The following DENND4A variants were observed in gnomAD, a reference collection of about 807,000 sequenced individuals.
DENND4A encodes C-myc promoter-binding protein.
DENND4A carries 70 observed loss-of-function variants against 199.3 expected under a neutral mutation model. That is an observed-to-expected ratio of 0.35 (90% CI 0.29 to 0.43). DENND4A has a LOEUF of 0.43. Ranked by LOEUF, DENND4A falls within the 20% of genes least tolerant of loss-of-function variation. DENND4A has a pLI of 1.00. For synonymous variants in DENND4A, 686 were observed against 766.9 expected (o/e 0.89, Z 1.74); for missense variants, 1,723 against 2,255.8 (o/e 0.76, Z 4.78).
intron 25 of DENND4A, 135 bp downstream of exon 25, chr15:65,671,657 T>C (rs2076221897): frequency 1.5e-5 from 9 of 611,806 alleles, no homozygotes; most frequent in Non-Finnish European, 2.6e-5. Context: ...CCCAAAGTGC[T>C]GGGATTACAG....
At chr15:65,729,738 A>T (rs1055693295) in intron 9 of DENND4A, 60 bp from the exon 10 acceptor site, 1 of 1,456,274 alleles carries the variant, frequency 6.9e-7, no homozygotes, top group Non-Finnish European at 9.2e-7. Context: ...CTCATTATCT[A>T]AAACAATGGG....
chr15:65,785,684 A>C (rs963970093), intron 1 of DENND4A, among the ~76,000 whole-genome samples: 14 of 152,108 alleles, frequency 9.2e-5, no homozygotes, highest in African/African-American at 2.9e-4. Flanking sequence ...AACTACGTAT[A>C]TAATAGTTAT....
At chr15:65,672,700 AT>A (rs2076251766) in intron 24 of DENND4A, among the ~76,000 whole-genome samples, 1 of 152,164 alleles carries the variant, frequency 6.6e-6, no homozygotes, top group Non-Finnish European at 1.5e-5. Flanking sequence ...ACAATAGGAT[AT>A]TAGTAAATAT....
intron 1 of DENND4A, among the ~76,000 whole-genome samples, chr15:65,782,305 T>G (rs1463134607): frequency 3.3e-5 from 5 of 152,204 alleles, no homozygotes; most frequent in African/African-American, 1.2e-4. Flanking sequence ...CTCACTCAGC[T>G]CTTCACATTT....
intron 15 of DENND4A, among the ~76,000 whole-genome samples, chr15:65,704,834 C>T (rs978259586): frequency 2.0e-5 from 3 of 152,048 alleles, no homozygotes; most frequent in Admixed American, 6.6e-5. Flanking sequence ...TCAAGTGATC[C>T]GCCCACCTCA....
intron 14 of DENND4A, among the ~76,000 whole-genome samples, chr15:65,710,128 C>T (rs2075202753): frequency 6.6e-6 from 1 of 152,088 alleles, no homozygotes; most frequent in South Asian, 2.1e-4. Flanking sequence ...CTAAGATATG[C>T]TCCTTAGGAC....
At chr15:65,704,229 C>T (rs1374126757) in intron 15 of DENND4A, among the ~76,000 whole-genome samples, 3 of 152,104 alleles carry the variant, frequency 2.0e-5, no homozygotes, top group Non-Finnish European at 4.4e-5. Context: ...TGAGTAATCT[C>T]TTATGAGGCA....
intron 14 of DENND4A, among the ~76,000 whole-genome samples, chr15:65,706,889 T>C (rs1190763071): frequency 6.6e-6 from 1 of 152,202 alleles, no homozygotes; most frequent in Non-Finnish European, 1.5e-5. Context: ...TAGACAAGGA[T>C]GGAATAGGAC....
chr15:65,667,391 T>C (rs12591647), intron 29 of DENND4A, 58 bp downstream of exon 29: 318,319 of 1,538,438 alleles, frequency 0.21, 41,005 homozygotes, highest in East Asian at 0.7. Flanking sequence ...ATTAGGAATA[T>C]GCAAACATTA....
At chr15:65,665,584 A>G in intron 29 of DENND4A, 122 bp from the exon 30 acceptor site, 1 of 665,784 alleles carries the variant, frequency 1.5e-6, no homozygotes, top group Non-Finnish European at 2.3e-6. Flanking sequence ...GAGAACAGAA[A>G]AAGACTGATT....
At chr15:65,736,189 T>A (rs1471115433) in intron 7 of DENND4A, among the ~76,000 whole-genome samples, 4 of 152,176 alleles carry the variant, frequency 2.6e-5, no homozygotes, top group African/African-American at 9.7e-5. Context: ...AAATGACCAA[T>A]GCACAATGCT....
At chr15:65,722,365 G>A (rs1191054357) in intron 12 of DENND4A, among the ~76,000 whole-genome samples, 1 of 152,006 alleles carries the variant, frequency 6.6e-6, no homozygotes, top group East Asian at 1.9e-4. Context: ...CTACTCAAGA[G>A]GCTGAAGTGG....
intron 14 of DENND4A, among the ~76,000 whole-genome samples, chr15:65,708,525 C>T (rs992862648): frequency 2.6e-5 from 4 of 152,042 alleles, no homozygotes; most frequent in African/African-American, 9.7e-5. Flanking sequence ...ACTTATATAC[C>T]AATAAAATCT....
intron 3 of DENND4A, among the ~76,000 whole-genome samples, chr15:65,754,101 C>T (rs1596611870): frequency 2.0e-5 from 3 of 151,538 alleles, no homozygotes; most frequent in African/African-American, 2.4e-5. Context: ...TCCAAAGTGC[C>T]GGGATTACAG....
intron 4 of DENND4A, among the ~76,000 whole-genome samples, chr15:65,749,118 T>C (rs977353948): frequency 1.3e-5 from 2 of 151,062 alleles, no homozygotes; most frequent in African/African-American, 4.9e-5. Flanking sequence ...TCGTACTTTA[T>C]TGGTAGGAAT....
rs1434237219 is a variant in DENND4A, at chr15:65,717,984, G to A, written c.1601C>T (p.Pro534Leu). ...TAAATCCATGAGTCCATCATCTCTC[G>A]GTCTCTGCTGCACTGTGAAGACATA... ...HQQLAKLQQRPRDDGLMDLAI... is the reference protein window; with the variant it reads ...HQQLAKLQQRLRDDGLMDLAI... The change falls in exon 13 of 33, where the codon CCG (proline) becomes CTG (leucine). Residue 534 changes from proline to leucine, a missense_variant. Transcript: ENST00000443035. 2.5e-6 allele frequency: 4 copies of A among 1,599,274 alleles called. No individual in the cohort carries two copies. The highest frequency in any genetic ancestry group is 2.7e-5 in the African/African-American group (2 of 74,644).
intron 13 of DENND4A, among the ~76,000 whole-genome samples, chr15:65,716,634 C>G (rs565520831): frequency 1.3e-5 from 2 of 152,058 alleles, no homozygotes; most frequent in African/African-American, 4.8e-5. Flanking sequence ...TTTTCTTAAT[C>G]CAGTCTATCA....
chr15:65,669,714 G>A (rs2076159681), intron 27 of DENND4A, 65 bp downstream of exon 27: 1 of 1,390,372 alleles, frequency 7.2e-7, no homozygotes, highest in Middle Eastern at 1.8e-4. Context: ...TAATTTTTCT[G>A]TCATACTTCT....
At chr15:65,665,179 TA>T (rs1302131768) in intron 30 of DENND4A, 165 bp downstream of exon 30, 3 of 548,088 alleles carry the variant, frequency 5.5e-6, no homozygotes, top group South Asian at 3.2e-5. Context: ...AAGGTAGCAC[TA>T]AAAAAATCAA....
Sources: gnomAD v4.1 joint callset for allele counts (sites outside exome capture counted in the v4.1 genomes callset) on GRCh38, gnomAD v4.1.1 for gene constraint, MANE v1.5 for transcripts, NCBI Gene and HGNC (gene_info 2026-07-23, HGNC 2026-07-21) for gene names.